Variants in RO60 observed in about 807,000 individuals in gnomAD.
The protein encoded by RO60 is RNA-binding protein RO60.
RO60 carries 20 observed loss-of-function variants against 55.3 expected under a neutral mutation model. The ratio of observed to expected loss-of-function variants is 0.36; its 90% CI spans 0.25 to 0.53. The LOEUF is 0.53. Among genes scored for constraint, RO60 ranks in the 20% least tolerant of loss-of-function variants. RO60 has a pLI of 0.92. For missense variants in RO60, 558 were observed against 646.6 expected (o/e 0.86, Z 1.49); for synonymous variants, 213 against 213.6 (o/e 1.00, Z 0.02).
chr1:193,084,674 C>T lies in RO60; in HGVS notation c.1560C>T (p.Cys520=), dbSNP rs546409913. Residue 520 remains cysteine (C), a synonymous_variant, in exon 9 of 9, where the codon TGC becomes TGT. Coordinates refer to ENST00000400968, the MANE Select transcript of RO60 (RefSeq NM_001173524.2). ...DPDDRGMLDM[C]GFDTGALDVI... is the part of the protein sequence containing the mutation. ...ATGATAGAGGCATGTTGGATATGTG[C>T]GGCTTTGATACTGGAGCTCTGGATG... is the stretch of plus-strand genomic sequence containing the variant. The T allele has an allele frequency of 5.5e-5, 89 of 1,613,768 alleles. 1 individual carries two copies. The South Asian group carries it at 9.2e-4, about 17-fold the overall frequency.
intron 2 of RO60, 34 bp downstream of exon 2, chr1:193,069,668 G>C (rs747277892): frequency 2.6e-5 from 39 of 1,523,854 alleles, no homozygotes; most frequent in Non-Finnish European, 2.9e-5. Context: ...AAGAAGGGTG[G>C]GTAAGGGATA....
At chr1:193,065,107 A>G (rs1022462925) in intron 1 of RO60, among the ~76,000 whole-genome samples, 29 of 152,204 alleles carry the variant, frequency 1.9e-4, no homozygotes, top group Non-Finnish European at 4.4e-5. Flanking sequence ...TGAGGCTTTT[A>G]TTCTCAAAAT....
rs182298878 is a variant in RO60 at position 193,076,751 on chromosome 1, A to G, written c.948+104A>G. On this transcript the variant is annotated intron_variant, in intron 4 of 8. Transcript: ENST00000400968. ...ATTTTTAAGGTATTTCGAGATGTTC[A>G]TTATACCAAATTGCATTATGGCTCT... is the stretch of plus-strand genomic sequence containing the variant. The G allele has an allele frequency of 8.2e-4, 1,104 of 1,354,360 alleles. 9 individuals are homozygous for G. Among genetic ancestry groups the G allele is most frequent in the South Asian group, 5.6e-4 (39 of 69,420 alleles). The allele number at this position is 1,354,360 out of a possible 1,614,324, so 83.9% of individuals were successfully genotyped here. A position where few individuals can be genotyped will look rare whatever the true frequency, so the allele number is the denominator to read the frequency against.
At chr1:193,072,576 G>GT (rs1329272935) in intron 2 of RO60, among the ~76,000 whole-genome samples, 11 of 151,614 alleles carry the variant, frequency 7.3e-5, no homozygotes, top group Non-Finnish European at 1.5e-4. Flanking sequence ...TTTATCTGTG[G>GT]TTTTTTCCTA....
At chr1:193,067,466 T>A (rs1401318913) in intron 1 of RO60, among the ~76,000 whole-genome samples, 1 of 152,108 alleles carries the variant, frequency 6.6e-6, no homozygotes, top group Non-Finnish European at 1.5e-5. Flanking sequence ...ATTACAGGCG[T>A]GAGCCACTGT....
At chr1:193,070,136 A>G (rs1673384015) in intron 2 of RO60, among the ~76,000 whole-genome samples, 1 of 151,560 alleles carries the variant, frequency 6.6e-6, no homozygotes, top group Non-Finnish European at 1.5e-5. Flanking sequence ...TAAAATGCTA[A>G]GTAGAAAAGC....
At chr1:193,064,933 A>G (rs145187151) in intron 1 of RO60, among the ~76,000 whole-genome samples, 1 of 152,326 alleles carries the variant, frequency 6.6e-6, no homozygotes, top group Non-Finnish European at 1.5e-5. Flanking sequence ...TTAGAAAAAC[A>G]GAAATTTTGT....
In RO60 at chr1:193,059,831, G is replaced by C. The variant is rs1373393387; in HGVS notation, c.-22+55G>C. On this transcript the variant is annotated intron_variant, in intron 1 of 8. Coordinates refer to ENST00000400968, the MANE Select transcript of RO60 (RefSeq NM_001173524.2). The surrounding 1 kb of genome is among the most constrained non-coding windows in gnomAD (Gnocchi z 4.9). ...GCCTTTTGTGCGGCCCCAGGGACGC[G>C]CAAATTCTGACCAGTCCTCCATGTC... The C allele has an allele frequency of 7.4e-7, 1 of 1,358,402 alleles. No homozygotes were observed. Among genetic ancestry groups the C allele is most frequent in the Non-Finnish European group, 9.8e-7 (1 of 1,018,056 alleles). The allele number at this position is 1,358,402 out of a possible 1,614,324, so 84.1% of individuals were successfully genotyped here. A position where few individuals can be genotyped will look rare whatever the true frequency, so the allele number is the denominator to read the frequency against.
intron 1 of RO60, among the ~76,000 whole-genome samples, chr1:193,061,123 G>A (rs1227567769): frequency 6.6e-6 from 1 of 152,172 alleles, no homozygotes; most frequent in Non-Finnish European, 1.5e-5. Flanking sequence ...TACATAAAAA[G>A]CCAGATTTCT....
chr1:193,060,450 G>A (rs1382466308), intron 1 of RO60, among the ~76,000 whole-genome samples: 1 of 152,026 alleles, frequency 6.6e-6, no homozygotes, highest in Non-Finnish European at 1.5e-5. Flanking sequence ...GTATATTGAA[G>A]TCGTTAAGTG....
At chr1:193,080,928 G>C (rs1471622306) in intron 5 of RO60, among the ~76,000 whole-genome samples, 1 of 152,128 alleles carries the variant, frequency 6.6e-6, no homozygotes, top group Non-Finnish European at 1.5e-5. Context: ...AAAAGTTCTT[G>C]AAATAGATAG....
At position 193,082,626 on chromosome 1, in the gene RO60, C is replaced by T. The variant is rs555897065; in HGVS notation, c.1382C>T (p.Ala461Val). 1.1e-4 allele frequency: 182 copies of T among 1,613,898 alleles called. No homozygotes were observed. In the Admixed American group the frequency reaches 3.0e-3, roughly 26 times the overall value. ...TGGGCTCAGAAGACAAACACACCTG[C>T]TGATGTCTTCATTGTATTCACTGAT... ...MIWAQKTNTP[A>V]DVFIVFTDNE... is the part of the protein sequence containing the mutation. Residue 461 changes from alanine to valine, a missense_variant, in exon 8 of 9, where the codon GCT (alanine) becomes GTT (valine). Transcript: ENST00000400968.
intron 2 of RO60, among the ~76,000 whole-genome samples, chr1:193,070,846 A>G (rs1190088804): frequency 6.6e-6 from 1 of 152,256 alleles, no homozygotes; most frequent in Non-Finnish European, 1.5e-5. Flanking sequence ...TAAATAATAA[A>G]TTGCAAATAT....
chr1:193,082,659 C>A lies in RO60; in HGVS notation c.1415C>A (p.Thr472Asn), dbSNP rs1406060966. ...DVFIVFTDNE[T>N]FAGGVHPAIA... ...TTCATTGTATTCACTGATAATGAGA[C>A]CTTTGCTGGAGGTGTCCATCCTGCT... Residue 472 changes from threonine to asparagine, a missense_variant, in exon 8 of 9, where the codon ACC becomes AAC. By Grantham distance (65) the Thr-to-Asn change is moderately conservative (BLOSUM62 0). Transcript: ENST00000400968. The A allele has an allele frequency of 6.2e-7, 1 of 1,613,784 alleles. No individual in the cohort carries two copies. Among genetic ancestry groups the A allele is most frequent in the East Asian group, 2.2e-5 (1 of 44,856 alleles).
intron 4 of RO60, 29 bp from the exon 5 acceptor site, chr1:193,076,884 C>G: frequency 6.3e-7 from 1 of 1,588,008 alleles, no homozygotes; most frequent in African/African-American, 1.4e-5. Flanking sequence ...CTGTTTTTTG[C>G]TAAAATTTTC....
intron 1 of RO60, among the ~76,000 whole-genome samples, chr1:193,061,727 G>A (rs1025300847): frequency 2.6e-5 from 4 of 152,368 alleles, no homozygotes; most frequent in Admixed American, 2.0e-4. Context: ...GCTCACGCCT[G>A]TAATCCCAGC....
chr1:193,082,828 A>G (rs1244774526), intron 8 of RO60, 120 bp downstream of exon 8: 3 of 815,246 alleles, frequency 3.7e-6, no homozygotes, highest in South Asian at 2.0e-5. Context: ...GCAGTGGCTC[A>G]GTCATAGCTC....
intron 6 of RO60, 84 bp downstream of exon 6, chr1:193,081,564 T>C: frequency 1.3e-6 from 1 of 746,848 alleles, no homozygotes; most frequent in South Asian, 1.8e-5. Flanking sequence ...GATTAAGAAT[T>C]ATGTTTTCAC....
intron 2 of RO60, among the ~76,000 whole-genome samples, chr1:193,073,847 AT>A (rs1253296916): frequency 4.0e-5 from 6 of 151,620 alleles, no homozygotes; most frequent in Non-Finnish European, 5.9e-5. Flanking sequence ...TTAACTCGTC[AT>A]TTAACGTTAC....
Sources: allele counts gnomAD v4.1 joint callset (sites outside exome capture counted in the v4.1 genomes callset), GRCh38; gene constraint gnomAD v4.1.1; non-coding constraint Gnocchi (gnomAD v3.1); transcripts MANE v1.5; gene names NCBI Gene and HGNC (gene_info 2026-07-23, HGNC 2026-07-21).